Variants in NRXN1 observed in about 807,000 individuals in gnomAD.
The protein encoded by NRXN1 is neurexin-1.
NRXN1 carries 39 observed loss-of-function variants against 150.9 expected under a neutral mutation model. The ratio of observed to expected loss-of-function variants is 0.26; its 90% CI spans 0.20 to 0.34. The LOEUF is 0.34. Ranked by LOEUF, NRXN1 falls within the 10% of genes least tolerant of loss-of-function variation. The pLI is 1.00. For missense variants in NRXN1, 1,815 were observed against 1,949.9 expected (o/e 0.93, Z 1.30); for synonymous variants, 924 against 757.0 (o/e 1.22, Z -3.62).
At chr2:50,668,021 G>C (rs537303740) in intron 5 of NRXN1, among the ~76,000 whole-genome samples, 8 of 152,082 alleles carry the variant, frequency 5.3e-5, no homozygotes. Flanking sequence ...GTTTCTCTTG[G>C]GTTGTCTTTG....
intron 12 of NRXN1, among the ~76,000 whole-genome samples, chr2:50,511,283 G>C (rs775849005): frequency 6.6e-6 from 1 of 152,062 alleles, no homozygotes; most frequent in Non-Finnish European, 1.5e-5. Context: ...GTCTGGTCTC[G>C]AACTCCTGAT....
intron 8 of NRXN1, among the ~76,000 whole-genome samples, chr2:50,600,943 A>AT (rs5831137): frequency 0.43 from 64,831 of 151,412 alleles, 14,245 homozygotes; most frequent in East Asian, 0.58. Flanking sequence ...TTATTTGTGA[A>AT]TTAAAAAAAA....
intron 5 of NRXN1, among the ~76,000 whole-genome samples, chr2:50,784,106 A>C (rs1292544099): frequency 6.6e-6 from 1 of 152,110 alleles, no homozygotes; most frequent in Non-Finnish European, 1.5e-5. Flanking sequence ...TATATGTGTG[A>C]ATGTGTATGG....
At chr2:50,587,761 T>C (rs1040209337) in intron 8 of NRXN1, among the ~76,000 whole-genome samples, 4 of 152,270 alleles carry the variant, frequency 2.6e-5, no homozygotes, top group East Asian at 3.9e-4. Flanking sequence ...AGAATACATA[T>C]ATATGTCTCA....
At chr2:50,141,830 G>A (rs2152760817) in intron 18 of NRXN1, among the ~76,000 whole-genome samples, 1 of 152,128 alleles carries the variant, frequency 6.6e-6, no homozygotes, top group South Asian at 2.1e-4. Context: ...TGGAGAAAAG[G>A]CAATTCTTAC....
At chr2:50,211,553 AG>A (rs1224524723) in intron 18 of NRXN1, among the ~76,000 whole-genome samples, 2 of 151,558 alleles carry the variant, frequency 1.3e-5, no homozygotes, top group Non-Finnish European at 1.5e-5. Context: ...TAACAGCAAA[AG>A]AAATGTGACG....
intron 17 of NRXN1, among the ~76,000 whole-genome samples, chr2:50,273,568 T>C (rs3853415): frequency 0.083 from 12,652 of 152,080 alleles, 623 homozygotes; most frequent in Middle Eastern, 0.15. Context: ...TAAATTTAAA[T>C]TTGGTATAAA....
At chr2:50,294,835 TA>T (rs1176965840) in intron 17 of NRXN1, among the ~76,000 whole-genome samples, 1 of 152,178 alleles carries the variant, frequency 6.6e-6, no homozygotes, top group Non-Finnish European at 1.5e-5. Context: ...GTTACTTTAT[TA>T]AAATACTAAA....
intron 18 of NRXN1, among the ~76,000 whole-genome samples, chr2:50,228,444 T>A (rs1257795344): frequency 6.6e-6 from 1 of 151,618 alleles, no homozygotes; most frequent in African/African-American, 2.4e-5. Context: ...ATCGTGTAGA[T>A]GAGTGGGTGA....
At chr2:50,219,900 C>T (rs1315187459) in intron 18 of NRXN1, among the ~76,000 whole-genome samples, 2 of 83,572 alleles carry the variant, frequency 2.4e-5, no homozygotes, top group African/African-American at 5.3e-5. Context: ...TATACACACA[C>T]ATATATATAT....
intron 17 of NRXN1, among the ~76,000 whole-genome samples, chr2:50,291,744 G>A (rs1357553321): frequency 6.6e-6 from 1 of 152,160 alleles, no homozygotes; most frequent in Non-Finnish European, 1.5e-5. Flanking sequence ...AAGAGCAAGT[G>A]TAGATTGGTA....
At chr2:50,463,647 C>T (rs1223985626) in intron 17 of NRXN1, among the ~76,000 whole-genome samples, 1 of 151,732 alleles carries the variant, frequency 6.6e-6, no homozygotes, top group African/African-American at 2.4e-5. Context: ...CAGCATGATA[C>T]TTATGGTTGT....
In NRXN1 at chr2:50,829,483, T is replaced by A; in HGVS notation, c.832+92386A>T. The A allele has an allele frequency of 2.5e-6, 4 of 1,581,542 alleles. No individual in the cohort carries two copies. The South Asian group carries it at 4.4e-5, about 18-fold the overall frequency. On this transcript the variant is annotated intron_variant, in intron 5 of 22. Transcript: ENST00000401669. The stretch of plus-strand genomic sequence containing the variant: ...CCTGACAGCAGGAGGGAGCCTATAA[T>A]AATGAGAAAGGCGCGAATCAAAAAC...
At chr2:50,123,403 G>A (rs941533140) in intron 18 of NRXN1, among the ~76,000 whole-genome samples, 2 of 152,150 alleles carry the variant, frequency 1.3e-5, no homozygotes, top group Non-Finnish European at 2.9e-5. Context: ...AAGCAAACAT[G>A]GTATTTGGTT....
chr2:50,715,163 G>T (rs971560703), intron 5 of NRXN1, among the ~76,000 whole-genome samples: 4 of 152,058 alleles, frequency 2.6e-5, no homozygotes, highest in African/African-American at 9.7e-5. Context: ...GTACTGTCTA[G>T]CCAGAAATGA....
At chr2:50,501,287 T>C (rs1052691515) in intron 13 of NRXN1, among the ~76,000 whole-genome samples, 6 of 152,074 alleles carry the variant, frequency 3.9e-5, no homozygotes, top group South Asian at 2.1e-4. Flanking sequence ...CCACATGGGA[T>C]TGAAAGGAGC....
intron 18 of NRXN1, among the ~76,000 whole-genome samples, chr2:50,170,758 T>TGTGC (rs1359824298): frequency 6.9e-5 from 4 of 58,040 alleles, no homozygotes; most frequent in African/African-American, 4.6e-4. Flanking sequence ...CTGTCTGTCG[T>TGTGC]GTGTGTGTGT....
intron 5 of NRXN1, among the ~76,000 whole-genome samples, chr2:50,883,635 A>G (rs1679789111): frequency 1.3e-5 from 2 of 151,820 alleles, no homozygotes; most frequent in South Asian, 4.1e-4. Flanking sequence ...GGGACACTAT[A>G]GGACTTACAT....
intron 5 of NRXN1, among the ~76,000 whole-genome samples, chr2:50,639,676 A>AT (rs1413876596): frequency 6.6e-6 from 1 of 152,084 alleles, no homozygotes; most frequent in Non-Finnish European, 1.5e-5. Context: ...ACCTAATTTT[A>AT]TAACTCCTTG....
Sources: gnomAD v4.1 joint callset for allele counts (sites outside exome capture counted in the v4.1 genomes callset) on GRCh38, gnomAD v4.1.1 for gene constraint, MANE v1.5 for transcripts, NCBI Gene and HGNC (gene_info 2026-07-23, HGNC 2026-07-21) for gene names.